PMPCB: variants seen among roughly 807,000 people sequenced by gnomAD.
PMPCB encodes peptidase, mitochondrial processing subunit beta.
A neutral mutation model predicts 61.5 loss-of-function variants in PMPCB; 46 were observed. The observed-to-expected ratio is 0.75, with a 90% CI of 0.59 to 0.96. The LOEUF (loss-of-function observed/expected upper bound fraction) is 0.96, where lower values mean the gene tolerates loss of function less well. Ranked by LOEUF, PMPCB falls within the 40% of genes least tolerant of loss-of-function variation. The probability of loss-of-function intolerance (pLI) is 0.00; values close to 1 mark genes in which losing one functional copy is unlikely to be tolerated. For synonymous variants in PMPCB, 191 were observed against 201.6 expected (o/e 0.95, Z 0.44); for missense variants, 590 against 602.4 (o/e 0.98, Z 0.22).
intron 12 of PMPCB, among the ~76,000 whole-genome samples, chr7:103,328,227 T>C (rs1395320653): frequency 6.6e-6 from 1 of 152,022 alleles, no homozygotes; most frequent in Non-Finnish European, 1.5e-5. Flanking sequence ...CGGCTTGAAG[T>C]AATTATTTTA....
At chr7:103,330,766 G>C (rs1321314130), downstream of PMPCB, among the ~76,000 whole-genome samples, 2 of 150,612 alleles carry the variant, frequency 1.3e-5, no homozygotes, top group Non-Finnish European at 3.0e-5. Context: ...TTTTTTTGTA[G>C]GGGAGGGGTT....
intron 12 of PMPCB, among the ~76,000 whole-genome samples, chr7:103,320,496 T>C (rs1334710469): frequency 1.3e-5 from 2 of 152,010 alleles, no homozygotes; most frequent in African/African-American, 2.4e-5. Context: ...CAAGTTAATA[T>C]TCTAAAACTG....
At chr7:103,328,735 T>C (rs1818842068) in intron 12 of PMPCB, among the ~76,000 whole-genome samples, 1 of 152,218 alleles carries the variant, frequency 6.6e-6, no homozygotes, top group Non-Finnish European at 1.5e-5. Flanking sequence ...TCCATGGTTT[T>C]TTCCTTGCAA....
At chr7:103,301,993 C>T (rs1202541493) in intron 4 of PMPCB, among the ~76,000 whole-genome samples, 1 of 152,070 alleles carries the variant, frequency 6.6e-6, no homozygotes, top group African/African-American at 2.4e-5. Flanking sequence ...GATGTTCCCA[C>T]CTCGTGTCCA....
the PMPCB span, chr7:103,344,554 C>T: frequency 6.2e-7 from 1 of 1,613,774 alleles, no homozygotes; most frequent in Non-Finnish European, 8.5e-7. Context: ...TGGGTGGGCA[C>T]TTACCAGAGG....
At chr7:103,322,408 G>T in intron 12 of PMPCB, 1 of 1,190,064 alleles carries the variant, frequency 8.4e-7, no homozygotes, top group Non-Finnish European at 1.1e-6. Context: ...CCAATTCTCT[G>T]CTTTCGAATT....
chr7:103,308,941 A>G lies in PMPCB; in HGVS notation c.850-11A>G, dbSNP rs1422677763. On this transcript the variant is annotated splice_polypyrimidine_tract_variant and intron_variant, in intron 7 of 12. Coordinates refer to ENST00000249269, the MANE Select transcript of PMPCB (RefSeq NM_004279.3). ...TCTTAACTAGAGGTCCTCCTGCTTT[A>G]TCTTAACTAGATTCGTGTGAGGGAT... 5 of 1,564,930 alleles carry G rather than the reference A, an allele frequency of 3.2e-6. No homozygotes were observed. In the East Asian group the frequency reaches 6.9e-5, roughly 22 times the overall value.
chr7:103,301,102 T>C (rs1817438646), intron 4 of PMPCB, among the ~76,000 whole-genome samples: 1 of 152,250 alleles, frequency 6.6e-6, no homozygotes, highest in African/African-American at 2.4e-5. Flanking sequence ...CAAGTACTTT[T>C]GTGTATATAT....
chr7:103,339,806 C>A, the PMPCB span, among the ~76,000 whole-genome samples: 1 of 151,668 alleles, frequency 6.6e-6, no homozygotes, highest in Non-Finnish European at 1.5e-5. Context: ...ATGTGATTGA[C>A]CTCTTTCTGA....
downstream of PMPCB, among the ~76,000 whole-genome samples, chr7:103,330,676 T>A (rs1318695563): frequency 6.7e-6 from 1 of 149,436 alleles, no homozygotes; most frequent in Non-Finnish European, 1.5e-5. Context: ...GGTCTCGAAC[T>A]CCTGACCTCG....
chr7:103,307,455 C>A, intron 6 of PMPCB, 141 bp from the exon 7 acceptor site: 1 of 568,878 alleles, frequency 1.8e-6, no homozygotes, highest in South Asian at 2.3e-5. Context: ...AATAGGTGTG[C>A]TATGTGAGCT....
At chr7:103,306,253 ATTAAG>A (rs1376576071) in intron 6 of PMPCB, among the ~76,000 whole-genome samples, 1 of 152,144 alleles carries the variant, frequency 6.6e-6, no homozygotes, top group Non-Finnish European at 1.5e-5. Flanking sequence ...TTAATTGTAA[ATTAAG>A]TTAAAGAATC....
intron 6 of PMPCB, among the ~76,000 whole-genome samples, chr7:103,304,784 A>C (rs374181973): frequency 6.6e-5 from 10 of 152,146 alleles, no homozygotes; most frequent in Middle Eastern, 3.4e-3. Context: ...AATATGGTGA[A>C]ACCCCATGTC....
chr7:103,347,066 C>T, the PMPCB span, among the ~76,000 whole-genome samples: 3 of 152,212 alleles, frequency 2.0e-5, no homozygotes, highest in Admixed American at 2.0e-4. Flanking sequence ...CCTGAGGAAT[C>T]AATCATACTG....
At chr7:103,321,906 C>T in intron 12 of PMPCB, 1 of 1,583,818 alleles carries the variant, frequency 6.3e-7, no homozygotes, top group Non-Finnish European at 8.6e-7. Flanking sequence ...TTTACTTGTG[C>T]CTAGTGTTTG....
At chr7:103,344,111 T>C in the PMPCB span, 1,171 of 168,726 alleles carry the variant, frequency 6.9e-3, 21 homozygotes, top group African/African-American at 0.027. Flanking sequence ...GTCTGAGTTG[T>C]GACATTTAAA....
chr7:103,336,177 C>A, the PMPCB span: 1 of 152,096 alleles, frequency 6.6e-6, no homozygotes, highest in Non-Finnish European at 1.5e-5. Context: ...CAAAAAAAGA[C>A]AGTGGATTTA....
At chr7:103,308,236 G>A (rs972045366) in intron 7 of PMPCB, among the ~76,000 whole-genome samples, 26 of 152,204 alleles carry the variant, frequency 1.7e-4, no homozygotes, top group African/African-American at 6.0e-4. Context: ...AGTAGTATCT[G>A]GAAAATGCCC....
the PMPCB span, chr7:103,344,545 G>A: frequency 1.2e-6 from 2 of 1,613,640 alleles, no homozygotes; most frequent in African/African-American, 1.3e-5. Context: ...AACCGAGGTT[G>A]GGTGGGCACT....
Sources: gnomAD v4.1 joint callset for allele counts (sites outside exome capture counted in the v4.1 genomes callset) on GRCh38, gnomAD v4.1.1 for gene constraint, MANE v1.5 for transcripts, NCBI Gene and HGNC (gene_info 2026-07-23, HGNC 2026-07-21) for gene names.